The following ATP8A2 variants were observed in gnomAD, a reference collection of about 807,000 sequenced individuals.
ATP8A2 encodes the protein phospholipid-transporting ATPase IB.
Under a neutral mutation model 165.6 loss-of-function variants are expected in ATP8A2, and 100 were observed. The ratio of observed to expected loss-of-function variants is 0.60; its 90% confidence interval spans 0.51 to 0.71. The LOEUF (loss-of-function observed/expected upper bound fraction) is 0.71. Ranked by LOEUF, ATP8A2 falls within the 30% of genes least tolerant of loss-of-function variation. The probability of loss-of-function intolerance (pLI) is 0.00; values close to 1 mark genes in which losing one functional copy is unlikely to be tolerated. For synonymous variants in ATP8A2, 543 were observed against 548.8 expected (o/e 0.99, Z 0.15); for missense variants, 1,227 against 1,479.5 (o/e 0.83, Z 2.80).
At chr13:25,763,318 A>G (rs911708411) in intron 25 of ATP8A2, among the ~76,000 whole-genome samples, 2 of 152,176 alleles carry the variant, frequency 1.3e-5, no homozygotes, top group African/African-American at 4.8e-5. Context: ...GCATTCTTTG[A>G]AATAAAAACT....
At chr13:25,697,611 G>C (rs908602418) in intron 24 of ATP8A2, among the ~76,000 whole-genome samples, 3 of 152,220 alleles carry the variant, frequency 2.0e-5, no homozygotes, top group Admixed American at 6.5e-5. Flanking sequence ...TGAATAAATA[G>C]TAAGAGGAAG....
At chr13:25,960,932 A>G (rs1193327261) in intron 33 of ATP8A2, among the ~76,000 whole-genome samples, 2 of 152,108 alleles carry the variant, frequency 1.3e-5, no homozygotes, top group Non-Finnish European at 2.9e-5. Flanking sequence ...ATCTCTAGCT[A>G]CTGAAATCGT....
chr13:25,559,208 A>T (rs971128730), intron 14 of ATP8A2, 147 bp downstream of exon 14: 22 of 605,848 alleles, frequency 3.6e-5, no homozygotes, highest in African/African-American at 3.4e-4. Flanking sequence ...AACTGAATGG[A>T]TCCCAAATTA....
At chr13:26,007,896 C>T (rs1459981522) in intron 35 of ATP8A2, among the ~76,000 whole-genome samples, 1 of 152,050 alleles carries the variant, frequency 6.6e-6, no homozygotes, top group Non-Finnish European at 1.5e-5. Flanking sequence ...GTAGGGATGC[C>T]ATTTTAGTGA....
intron 27 of ATP8A2, among the ~76,000 whole-genome samples, chr13:25,775,912 GTAAC>G (rs1369498479): frequency 1.3e-5 from 2 of 152,200 alleles, no homozygotes; most frequent in Admixed American, 1.3e-4. Flanking sequence ...TAAGGTAGCT[GTAAC>G]TAACTACTTC....
intron 1 of ATP8A2, among the ~76,000 whole-genome samples, chr13:25,459,870 G>T (rs1566148754): frequency 6.6e-6 from 1 of 152,142 alleles, no homozygotes; most frequent in African/African-American, 2.4e-5. Context: ...TTGCAGTGAA[G>T]CCATGAGCCT....
At chr13:25,789,504 GAATTAAGTACTTAGGT>G (rs918653979) in intron 27 of ATP8A2, among the ~76,000 whole-genome samples, 136 of 152,160 alleles carry the variant, frequency 8.9e-4, no homozygotes, top group African/African-American at 3.2e-3. Flanking sequence ...GCCACAAAAA[GAATTAAGTACTTAGGT>G]AACTAGGGAG....
chr13:25,503,613 A>G (rs1178924040), intron 2 of ATP8A2, among the ~76,000 whole-genome samples: 1 of 152,210 alleles, frequency 6.6e-6, no homozygotes, highest in African/African-American at 2.4e-5. Flanking sequence ...AAGGAGTAAG[A>G]TGTTGGAAAA....
intron 24 of ATP8A2, among the ~76,000 whole-genome samples, chr13:25,680,773 G>A (rs1384067278): frequency 6.6e-6 from 1 of 152,186 alleles, no homozygotes; most frequent in African/African-American, 2.4e-5. Flanking sequence ...CCATCAAGGT[G>A]CCCTCTACAA....
chr13:25,760,264 T>G (rs554756649), intron 25 of ATP8A2, among the ~76,000 whole-genome samples: 1 of 152,304 alleles, frequency 6.6e-6, no homozygotes, highest in African/African-American at 2.4e-5. Flanking sequence ...CATAGGATGT[T>G]GAAGCAGTCA....
intron 25 of ATP8A2, chr13:25,705,410 A>G (rs1314525664): frequency 6.0e-6 from 1 of 165,592 alleles, no homozygotes; most frequent in Non-Finnish European, 1.3e-5. Context: ...ACGGCTTCAC[A>G]TCTCTGGGCA....
chr13:25,902,220 T>C (rs1216974527), intron 33 of ATP8A2, among the ~76,000 whole-genome samples: 2 of 152,214 alleles, frequency 1.3e-5, no homozygotes, highest in Non-Finnish European at 2.9e-5. Flanking sequence ...GCAAATGCAA[T>C]TCCGGTCAGA....
intron 25 of ATP8A2, among the ~76,000 whole-genome samples, chr13:25,758,157 A>G (rs919625620): frequency 6.6e-6 from 1 of 152,228 alleles, no homozygotes; most frequent in East Asian, 1.9e-4. Flanking sequence ...TAATAAACTC[A>G]TAGCCTTAAT....
intron 23 of ATP8A2, among the ~76,000 whole-genome samples, chr13:25,587,462 C>T (rs1446113214): frequency 6.6e-6 from 1 of 151,938 alleles, no homozygotes; most frequent in African/African-American, 2.4e-5. Flanking sequence ...TGAGTTTTTC[C>T]ATAATATCTT....
At chr13:25,902,926 A>C (rs1953802448) in intron 33 of ATP8A2, among the ~76,000 whole-genome samples, 1 of 116,934 alleles carries the variant, frequency 8.6e-6, no homozygotes, top group African/African-American at 3.2e-5. Context: ...CTGACTTTAT[A>C]CATCCTCAGC....
intron 24 of ATP8A2, among the ~76,000 whole-genome samples, chr13:25,620,957 G>A (rs921518372): frequency 6.6e-6 from 1 of 152,172 alleles, no homozygotes; most frequent in African/African-American, 2.4e-5. Flanking sequence ...GATCTGTGAT[G>A]CTTATGATGG....
chr13:25,895,293 A>G (rs1342735416), intron 33 of ATP8A2, among the ~76,000 whole-genome samples: 1 of 152,120 alleles, frequency 6.6e-6, no homozygotes, highest in Non-Finnish European at 1.5e-5. Context: ...TGAGATAATC[A>G]TGTGGTTTTT....
chr13:25,871,721 C>T (rs1356635536), intron 33 of ATP8A2, among the ~76,000 whole-genome samples: 1 of 152,162 alleles, frequency 6.6e-6, no homozygotes, highest in Non-Finnish European at 1.5e-5. Flanking sequence ...GAAGCATCCA[C>T]TGAGTAAATT....
At chr13:25,724,813 C>A (rs1474683008) in intron 25 of ATP8A2, among the ~76,000 whole-genome samples, 1 of 152,152 alleles carries the variant, frequency 6.6e-6, no homozygotes, top group Admixed American at 6.5e-5. Context: ...ATCTTGGGCC[C>A]ACAAAGGGTG....
Sources: allele counts gnomAD v4.1 joint callset (sites outside exome capture counted in the v4.1 genomes callset), GRCh38; gene constraint gnomAD v4.1.1; transcripts MANE v1.5; gene names NCBI Gene and HGNC (gene_info 2026-07-23, HGNC 2026-07-21).